The following MGAT5 variants were observed in gnomAD, a reference collection of about 807,000 sequenced individuals.
MGAT5 encodes alpha-1,6-mannosylglycoprotein 6-beta-N-acetylglucosaminyltransferase.
MGAT5 carries 30 observed loss-of-function variants against 94.3 expected under a neutral mutation model. The observed-to-expected ratio is 0.32, with a 90% CI of 0.24 to 0.43. MGAT5 has a LOEUF of 0.43. Ranked by LOEUF, MGAT5 falls within the 20% of genes least tolerant of loss-of-function variation. The pLI, the probability that MGAT5 is intolerant of heterozygous loss-of-function variation, is 1.00. For missense variants in MGAT5, 691 were observed against 905.5 expected (o/e 0.76, Z 3.04); for synonymous variants, 310 against 322.9 (o/e 0.96, Z 0.43).
At chr2:134,124,653 G>C (rs1278682514) in intron 1 of MGAT5, among the ~76,000 whole-genome samples, 1 of 152,186 alleles carries the variant, frequency 6.6e-6, no homozygotes, top group East Asian at 1.9e-4. Flanking sequence ...CCCTGCAATG[G>C]CTAAGGAATA....
intron 1 of MGAT5, among the ~76,000 whole-genome samples, chr2:134,198,120 A>C (rs918651287): frequency 6.6e-6 from 1 of 152,226 alleles, no homozygotes; most frequent in Admixed American, 6.5e-5. Flanking sequence ...ATGAATTTTT[A>C]AGCCTGTATA....
intron 1 of MGAT5, among the ~76,000 whole-genome samples, chr2:134,122,901 T>G (rs938841483): frequency 1.3e-5 from 2 of 152,258 alleles, no homozygotes; most frequent in African/African-American, 4.8e-5. Context: ...CAACTGCTGC[T>G]GCAGAGCAGC....
chr2:134,386,407 T>A (rs1337589709), intron 10 of MGAT5, among the ~76,000 whole-genome samples: 3 of 152,232 alleles, frequency 2.0e-5, no homozygotes, highest in African/African-American at 7.2e-5. Context: ...GAATATTAGA[T>A]TAAACCGTAA....
At chr2:134,283,691 T>A (rs1293138736) in intron 2 of MGAT5, among the ~76,000 whole-genome samples, 2 of 143,804 alleles carry the variant, frequency 1.4e-5, no homozygotes. Context: ...CTCTTCTCAG[T>A]TTGGAGAATG....
intron 1 of MGAT5, among the ~76,000 whole-genome samples, chr2:134,233,524 G>C (rs981848067): frequency 6.6e-6 from 1 of 152,134 alleles, no homozygotes; most frequent in Non-Finnish European, 1.5e-5. Flanking sequence ...CATCCTTTGA[G>C]AAAAGGAACT....
chr2:134,325,106 C>G (rs1170803279), intron 4 of MGAT5, among the ~76,000 whole-genome samples: 1 of 151,726 alleles, frequency 6.6e-6, no homozygotes, highest in Admixed American at 6.6e-5. Context: ...CACTAAAGTT[C>G]TTAGCAACAC....
chr2:134,234,662 A>C (rs1681541692), intron 1 of MGAT5, among the ~76,000 whole-genome samples: 1 of 152,226 alleles, frequency 6.6e-6, no homozygotes, highest in African/African-American at 2.4e-5. Flanking sequence ...GATTAGCAAT[A>C]AGGTGTGACT....
At chr2:134,384,854 A>G (rs571007593) in intron 10 of MGAT5, among the ~76,000 whole-genome samples, 1 of 152,360 alleles carries the variant, frequency 6.6e-6, no homozygotes, top group South Asian at 2.1e-4. Flanking sequence ...AGCAAATACT[A>G]TAGTAAATAT....
intron 4 of MGAT5, among the ~76,000 whole-genome samples, chr2:134,335,049 A>G (rs1002862384): frequency 2.6e-5 from 4 of 152,204 alleles, no homozygotes; most frequent in Admixed American, 2.0e-4. Flanking sequence ...CTGCAGTGGC[A>G]GATGGCTTTA....
At chr2:134,130,538 ACT>A (rs1462672543) in intron 1 of MGAT5, among the ~76,000 whole-genome samples, 1 of 152,058 alleles carries the variant, frequency 6.6e-6, no homozygotes, top group Non-Finnish European at 1.5e-5. Flanking sequence ...ACCAATCAGC[ACT>A]CTGTGTCTGG....
chr2:134,273,979 T>C (rs1177401822), intron 2 of MGAT5, among the ~76,000 whole-genome samples: 3 of 152,234 alleles, frequency 2.0e-5, no homozygotes, highest in Admixed American at 2.0e-4. Flanking sequence ...AATTCTCTCC[T>C]TTTAGAATGA....
At chr2:134,349,718 G>T (rs1344523773) in intron 8 of MGAT5, 87 bp from the exon 9 acceptor site, 1 of 1,424,942 alleles carries the variant, frequency 7.0e-7, no homozygotes, top group East Asian at 2.3e-5. Context: ...CCTATTTTTA[G>T]TAGTCTTGAA....
intron 6 of MGAT5, among the ~76,000 whole-genome samples, chr2:134,341,216 T>C (rs1688612408): frequency 6.6e-6 from 1 of 152,190 alleles, no homozygotes. Context: ...TCCATGTGTT[T>C]GAAATTTTCC....
At chr2:134,240,161 CTCT>C (rs1681893148) in intron 1 of MGAT5, among the ~76,000 whole-genome samples, 2 of 152,154 alleles carry the variant, frequency 1.3e-5, no homozygotes, top group South Asian at 4.1e-4. Flanking sequence ...CCTGGCCTTT[CTCT>C]TCTTTTGTTT....
intron 1 of MGAT5, among the ~76,000 whole-genome samples, chr2:134,136,199 T>C (rs1686401119): frequency 6.6e-6 from 1 of 152,190 alleles, no homozygotes; most frequent in Admixed American, 6.5e-5. Context: ...CGGTGGTTGT[T>C]GCACCTGTTG....
At chr2:134,340,771 A>ATC (rs988614078) in intron 6 of MGAT5, among the ~76,000 whole-genome samples, 2 of 152,140 alleles carry the variant, frequency 1.3e-5, no homozygotes, top group African/African-American at 4.8e-5. Flanking sequence ...GGATTAATGG[A>ATC]TCTAGCTAGT....
At chr2:134,381,536 C>CAGATAGATAGATAGATAGAT (rs57978433) in intron 10 of MGAT5, among the ~76,000 whole-genome samples, 1,882 of 146,946 alleles carry the variant, frequency 0.013, 20 homozygotes, top group Non-Finnish European at 0.019. Flanking sequence ...GACAGACAGA[C>CAGATAGATAGATAGATAGAT]AGATAGATAG....
chr2:134,393,053 C>T (rs551390396), intron 10 of MGAT5, among the ~76,000 whole-genome samples: 1 of 152,362 alleles, frequency 6.6e-6, no homozygotes, highest in East Asian at 1.9e-4. Context: ...AATGTGCCTT[C>T]ACATAATAAT....
intron 1 of MGAT5, among the ~76,000 whole-genome samples, chr2:134,126,098 G>A (rs537887604): frequency 6.6e-6 from 1 of 152,332 alleles, no homozygotes; most frequent in Non-Finnish European, 1.5e-5. Context: ...CACACAAAAT[G>A]CTTTTCTGAA....
Sources: allele counts gnomAD v4.1 joint callset (sites outside exome capture counted in the v4.1 genomes callset), GRCh38; gene constraint gnomAD v4.1.1; transcripts MANE v1.5; gene names NCBI Gene and HGNC (gene_info 2026-07-23, HGNC 2026-07-21).